The following KRT82 variants were observed in gnomAD, a reference collection of about 807,000 sequenced individuals.
The protein encoded by KRT82 is keratin, type II cuticular Hb2.
Under a neutral mutation model 48.0 loss-of-function variants are expected in KRT82, and 44 were observed. The ratio of observed to expected loss-of-function variants is 0.92; its 90% confidence interval spans 0.72 to 1.18. The LOEUF is 1.18. Ranked by LOEUF, KRT82 falls within the 50% of genes most tolerant of loss-of-function variation. KRT82 has a pLI of 0.00. For missense variants in KRT82, 701 were observed against 671.4 expected (o/e 1.04, Z -0.49); for synonymous variants, 297 against 278.3 (o/e 1.07, Z -0.67).
rs577711132 is a variant in KRT82, at chr12:52,394,267, A to G, written c.*708T>C. 1 of 152,510 alleles carries G rather than the reference A, an allele frequency of 6.6e-6. No individual in the cohort carries two copies. The highest frequency in any genetic ancestry group is 6.5e-5 in the Admixed American group (1 of 15,310). 9.4% of individuals were successfully genotyped at this position (152,510 alleles called of 1,614,324 possible). On this transcript the variant is annotated 3_prime_UTR_variant, in exon 9 of 9. Coordinates refer to ENST00000257974, the MANE Select transcript of KRT82 (RefSeq NM_033033.4). ...TTTTGGTTTTCCAACTGTCCAGTAAACATTCCATATCCCTTTGCCCTTTGT... is the reference window on the plus strand; with the variant it reads ...TTTTGGTTTTCCAACTGTCCAGTAAGCATTCCATATCCCTTTGCCCTTTGT...
chr12:52,405,644 A>G (rs2121486884), intron 1 of KRT82, among the ~76,000 whole-genome samples: 1 of 152,366 alleles, frequency 6.6e-6, no homozygotes. Flanking sequence ...ATATTCAGAG[A>G]AAGATGATAT....
At position 52,403,926 on chromosome 12, in the gene KRT82, AATATCAC is replaced by A; in HGVS notation, c.412-24_412-18del. 6.2e-7 allele frequency: 1 copy of A among 1,611,070 alleles called. No individual in the cohort carries two copies. ...GAAACGGACCTGCAGCCAAGAATGG[AATATCAC>A]CAGGCAGCAGAGATCCTGGGGACCA... On this transcript the variant is annotated intron_variant, in intron 1 of 8. Transcript: ENST00000257974.
In KRT82 at chr12:52,394,483, G is replaced by A. The variant is rs751541477; in HGVS notation, c.*492C>T. ...GTGGCACTTGGCTTTGGAATTTAGA[G>A]TGGGATTTGGGGGTGTCTCCTTTTG... On this transcript the variant is annotated 3_prime_UTR_variant, in exon 9 of 9. Coordinates refer to ENST00000257974, the MANE Select transcript of KRT82 (RefSeq NM_033033.4). 1 of 160,250 alleles carries A rather than the reference G, an allele frequency of 6.2e-6. No homozygotes were observed. The highest frequency in any genetic ancestry group is 1.4e-5 in the Non-Finnish European group (1 of 73,256). The allele number at this position is 160,250 out of a possible 1,614,324, so 9.9% of individuals were successfully genotyped here. A position where few individuals can be genotyped will look rare whatever the true frequency, so the allele number is the denominator to read the frequency against.
intron 5 of KRT82, among the ~76,000 whole-genome samples, chr12:52,398,721 TA>T (rs1198628298): frequency 1.3e-5 from 2 of 152,118 alleles, no homozygotes; most frequent in African/African-American, 4.8e-5. Flanking sequence ...CAAGTTTTCA[TA>T]CTTCCAACCA....
chr12:52,405,269 A>G (rs1396502686), intron 1 of KRT82, among the ~76,000 whole-genome samples: 1 of 152,198 alleles, frequency 6.6e-6, no homozygotes, highest in East Asian at 1.9e-4. Flanking sequence ...CTGTTCCTGC[A>G]GTGGGTGCAG....
chr12:52,396,331 C>T (rs953066573), intron 6 of KRT82, 99 bp from the exon 7 acceptor site: 5 of 1,136,700 alleles, frequency 4.4e-6, no homozygotes, highest in Non-Finnish European at 6.2e-6. Flanking sequence ...ACGTGCCAGG[C>T]TCACATTTGC....
intron 5 of KRT82, among the ~76,000 whole-genome samples, chr12:52,398,403 A>G (rs1939741745): frequency 6.6e-6 from 1 of 152,142 alleles, no homozygotes; most frequent in African/African-American, 2.4e-5. Context: ...TGATGATGTC[A>G]CAGAATCTCT....
At chr12:52,399,777 G>A (rs1194324082) in intron 5 of KRT82, among the ~76,000 whole-genome samples, 4 of 152,216 alleles carry the variant, frequency 2.6e-5, no homozygotes, top group African/African-American at 9.6e-5. Flanking sequence ...GGGGCGGGGA[G>A]GGGTCCCTCC....
chr12:52,405,423 A>G (rs1317120160), intron 1 of KRT82, among the ~76,000 whole-genome samples: 3 of 152,136 alleles, frequency 2.0e-5, no homozygotes, highest in African/African-American at 7.2e-5. Context: ...GCCTAAAATG[A>G]TTGGAAACTC....
At chr12:52,401,006 C>T (rs770172964) in intron 3 of KRT82, among the ~76,000 whole-genome samples, 2 of 152,150 alleles carry the variant, frequency 1.3e-5, no homozygotes, top group Non-Finnish European at 2.9e-5. Flanking sequence ...TCCAGCTGCT[C>T]GGGCAGGGTT....
chr12:52,400,592 C>T lies in KRT82; in HGVS notation c.712G>A (p.Asp238Asn). Residue 238 changes from aspartate (D) to asparagine (N), a missense_variant, in exon 4 of 9, where the codon GAC becomes AAC. Asp to Asn is a conservative substitution (Grantham distance 23). Transcript: ENST00000257974. ...DVDTAFLMKA[D>N]LETNAEALVQ... is the part of the protein sequence containing the mutation. ...AGTGCCTCTGCGTTGGTCTCCAGGT[C>T]AGCCTTCATCAGGAAGGCTGTGTCC... is the stretch of plus-strand genomic sequence containing the variant. 6.8e-6 allele frequency: 11 copies of T among 1,614,070 alleles called. No individual in the cohort carries two copies. Among genetic ancestry groups the T allele is most frequent in the Non-Finnish European group, 9.3e-6 (11 of 1,179,966 alleles).
Position 52,405,995 on chromosome 12 carries a change from CA to C in KRT82, c.282del (p.Val95SerfsTer15), listed in dbSNP as rs776316700. On this transcript the variant is annotated frameshift_variant, in exon 1 of 9. Transcript: ENST00000257974. LOFTEE classifies it high-confidence loss of function. ...ACCAGCAGGCTCTCATTGATGGTGA[CA>C]GGGGTGATGCAGGCAGAAGGCCCAC... is the stretch of plus-strand genomic sequence containing the variant. Reference protein sequence around the residue: ...ATCGPSACITPVTINESLLVP... With the variant: ...ATCGPSACITXVTINESLLVP... 2.5e-6 allele frequency: 4 copies of C among 1,614,202 alleles called. No homozygotes were observed. The Admixed American group carries it at 6.7e-5, about 27-fold the overall frequency.
intron 5 of KRT82, 107 bp downstream of exon 5, chr12:52,399,878 C>A: frequency 8.8e-7 from 1 of 1,141,460 alleles, no homozygotes; most frequent in Middle Eastern, 2.3e-4. Context: ...CATGGCGTGG[C>A]TCTCATTAGC....
chr12:52,398,111 A>G (rs558036218), intron 5 of KRT82, among the ~76,000 whole-genome samples: 2 of 152,288 alleles, frequency 1.3e-5, no homozygotes, highest in East Asian at 3.9e-4. Flanking sequence ...AGAACCAAAT[A>G]GAACACTGCT....
In KRT82 at chr12:52,406,252, C is replaced by T. The variant is rs1939855101; in HGVS notation, c.26G>A (p.Gly9Asp). The T allele has an allele frequency of 6.2e-7, 1 of 1,603,020 alleles. No individual in the cohort carries two copies. Among genetic ancestry groups the T allele is most frequent in the African/African-American group, 1.3e-5 (1 of 74,838 alleles). ...GAAACTCTGACTGCCACACCTGGAG[C>T]CTGGCTGGAAAGAGTGGTACGACAT... MSYHSFQP[G>D]SRCGSQSFSS... is the part of the protein sequence containing the mutation. Residue 9 changes from glycine to aspartate, a missense_variant, in exon 1 of 9, where the codon GGC (glycine) becomes GAC (aspartate). Transcript: ENST00000257974.
At chr12:52,400,689 G>A in intron 3 of KRT82, 67 bp from the exon 4 acceptor site, 1 of 1,081,900 alleles carries the variant, frequency 9.2e-7, no homozygotes, top group Non-Finnish European at 1.4e-6. Flanking sequence ...GTGGCAGGGG[G>A]AAGGCGTGGG....
chr12:52,400,415 G>T, intron 4 of KRT82, 112 bp downstream of exon 4: 2 of 847,628 alleles, frequency 2.4e-6, no homozygotes, highest in Non-Finnish European at 2.0e-6. Context: ...CTACAGTGCG[G>T]ACCTCTTTCC....
chr12:52,405,875 T>C lies in KRT82; in HGVS notation c.403A>G (p.Ile135Val). The change falls in exon 1 of 9, where the codon ATC (isoleucine) becomes GTC (valine). Residue 135 changes from isoleucine to valine, a missense_variant. Physicochemically the swap from Ile to Val is conservative, Grantham distance 29. Coordinates refer to ENST00000257974, the MANE Select transcript of KRT82 (RefSeq NM_033033.4). ...KCLNNRFASF[I>V]NKVRFLEQKN... is the part of the protein sequence containing the mutation. ...GGCCACTGCCCCCTTACCTTGTTGA[T>C]GAAAGATGCGAAACGGTTGTTGAGG... 6.2e-7 allele frequency: 1 copy of C among 1,610,506 alleles called. No individual in the cohort carries two copies. Among genetic ancestry groups the C allele is most frequent in the Non-Finnish European group, 8.5e-7 (1 of 1,177,454 alleles).
chr12:52,397,724 C>A (rs756408679), intron 5 of KRT82, among the ~76,000 whole-genome samples: 1 of 152,158 alleles, frequency 6.6e-6, no homozygotes, highest in African/African-American at 2.4e-5. Flanking sequence ...CTGCAGTTGC[C>A]TAGTAAATAT....
Sources: gnomAD v4.1 joint callset for allele counts (sites outside exome capture counted in the v4.1 genomes callset) on GRCh38, gnomAD v4.1.1 for gene constraint, MANE v1.5 for transcripts, NCBI Gene and HGNC (gene_info 2026-07-23, HGNC 2026-07-21) for gene names.